Variants in WDFY3 observed in about 807,000 individuals in gnomAD.
WDFY3 encodes the protein WD repeat and FYVE domain containing 3, also known as WD repeat and FYVE domain-containing protein 3.
WDFY3 carries 66 observed loss-of-function variants against 409.6 expected under a neutral mutation model. The observed-to-expected ratio is 0.16, with a 90% CI of 0.13 to 0.20. The LOEUF (loss-of-function observed/expected upper bound fraction) is 0.20. Ranked by LOEUF, WDFY3 falls within the 10% of genes least tolerant of loss-of-function variation. WDFY3 has a pLI of 1.00. For synonymous variants in WDFY3, 1,521 were observed against 1,537.1 expected, an observed-to-expected ratio of 0.99 and a Z score of 0.25; for missense variants, 3,031 against 4,298.1, an observed-to-expected ratio of 0.71 and a Z score of 8.24.
At chr4:84,950,595 T>A (rs1773483925) in intron 1 of WDFY3, among the ~76,000 whole-genome samples, 2 of 151,998 alleles carry the variant, frequency 1.3e-5, no homozygotes, top group Admixed American at 1.3e-4. Flanking sequence ...ATCGAGACCA[T>A]CCTGATTAAC....
chr4:84,897,672 G>A (rs1765819227), intron 2 of WDFY3, among the ~76,000 whole-genome samples: 1 of 152,102 alleles, frequency 6.6e-6, no homozygotes, highest in Non-Finnish European at 1.5e-5. Flanking sequence ...TAAGATACTT[G>A]GGCAAAGGTG....
At chr4:84,801,115 TGTG>T (rs1441482563) in intron 17 of WDFY3, among the ~76,000 whole-genome samples, 3 of 152,208 alleles carry the variant, frequency 2.0e-5, no homozygotes, top group African/African-American at 7.2e-5. Flanking sequence ...ATCGTAATTG[TGTG>T]GTGATTACAT....
At chr4:84,938,726 G>T (rs1771743207) in intron 1 of WDFY3, among the ~76,000 whole-genome samples, 1 of 152,098 alleles carries the variant, frequency 6.6e-6, no homozygotes, top group Non-Finnish European at 1.5e-5. Context: ...CTCATACTCA[G>T]ATTCAGCCAT....
intron 3 of WDFY3, among the ~76,000 whole-genome samples, chr4:84,887,078 C>T (rs1032190951): frequency 2.0e-5 from 3 of 152,096 alleles, no homozygotes; most frequent in African/African-American, 7.2e-5. Context: ...GAACATGTGG[C>T]ATTTACACCA....
chr4:84,800,707 G>A (rs1750368607), intron 17 of WDFY3, among the ~76,000 whole-genome samples: 1 of 152,134 alleles, frequency 6.6e-6, no homozygotes, highest in Non-Finnish European at 1.5e-5. Context: ...GGATTGTGGA[G>A]GATGGTTTCA....
chr4:84,902,616 C>G (rs1460412145), intron 2 of WDFY3, among the ~76,000 whole-genome samples: 2 of 152,164 alleles, frequency 1.3e-5, no homozygotes, highest in Non-Finnish European at 2.9e-5. Context: ...AGAATTTTCA[C>G]CATGACAAAA....
In WDFY3 at chr4:84,709,033, A is replaced by G; in HGVS notation, c.8098-5T>C. 1 of 1,613,354 alleles carries G rather than the reference A, an allele frequency of 6.2e-7. No individual in the cohort carries two copies. Among genetic ancestry groups the G allele is most frequent in the East Asian group, 2.2e-5 (1 of 44,856 alleles). On this transcript the variant is annotated splice_polypyrimidine_tract_variant and splice_region_variant and intron_variant, in intron 52 of 67. Coordinates refer to ENST00000295888, the MANE Select transcript of WDFY3 (RefSeq NM_014991.6). The stretch of plus-strand genomic sequence containing the variant: ...GAAGTTGCTGATTTCACCTCTCTGG[A>G]AAAAGATAAATATTCATTTTTGAGC...
At chr4:84,762,451 TG>T (rs1742811373) in intron 32 of WDFY3, among the ~76,000 whole-genome samples, 1 of 116,530 alleles carries the variant, frequency 8.6e-6, no homozygotes, top group Non-Finnish European at 1.6e-5. Context: ...CATCACACTC[TG>T]GGGACTGTTC....
At chr4:84,906,293 A>G (rs1240307174) in intron 2 of WDFY3, among the ~76,000 whole-genome samples, 1 of 152,192 alleles carries the variant, frequency 6.6e-6, no homozygotes, top group Admixed American at 6.5e-5. Context: ...TTCATTTCTT[A>G]AAGACCTATG....
rs964365973 is a variant in WDFY3 at position 84,858,556 on chromosome 4, T to C, written c.180+1856A>G. On this transcript the variant is annotated intron_variant, in intron 4 of 67. Coordinates refer to ENST00000295888, the MANE Select transcript of WDFY3 (RefSeq NM_014991.6). The stretch of plus-strand genomic sequence containing the variant: ...TCCAGAAAAGGGGGAACATATAAGA[T>C]ATAGAGGAGAATATTCTCAAAGAAA... 2.6e-5 allele frequency among the ~76,000 whole-genome samples: 4 copies of C among 152,104 alleles called. No homozygotes were observed. In the East Asian group the frequency reaches 5.8e-4, roughly 22 times the overall value.
In WDFY3 at chr4:84,872,294, A is replaced by G. The variant is rs185494989; in HGVS notation, c.-31-11672T>C. On this transcript the variant is annotated intron_variant, in intron 3 of 67. Transcript: ENST00000295888. ...ATCCTGGCCAACATGGTGAAACCCC[A>G]TCTATACTAAAAATATAAAAATTAG... 1.9e-3 allele frequency among the ~76,000 whole-genome samples: 292 copies of G among 152,028 alleles called. 12 individuals carry two copies. The East Asian group carries it at 0.053, about 27-fold the overall frequency.
At chr4:84,825,729 C>A (rs1455734854) in intron 10 of WDFY3, among the ~76,000 whole-genome samples, 2 of 151,828 alleles carry the variant, frequency 1.3e-5, no homozygotes, top group Non-Finnish European at 2.9e-5. Flanking sequence ...ATATGTATTA[C>A]AAATTTAATA....
chr4:84,699,484 T>C (rs925078587), intron 56 of WDFY3, among the ~76,000 whole-genome samples: 8 of 152,342 alleles, frequency 5.3e-5, no homozygotes, highest in Admixed American at 2.0e-4. Context: ...GGGCTGTTTC[T>C]GCCATTCGGT....
chr4:84,693,426 T>A lies in WDFY3; in HGVS notation c.8902-394A>T, dbSNP rs575677321. On this transcript the variant is annotated intron_variant, in intron 58 of 67. Transcript: ENST00000295888. Reference sequence around the variant, plus strand: ...GCAGACACTCTATCTAGTTGGATTATTTCTGGTTTCAATGTGGCCTTTATG... The same window carrying A: ...GCAGACACTCTATCTAGTTGGATTAATTCTGGTTTCAATGTGGCCTTTATG... Among the ~76,000 whole-genome samples, 8 of 152,336 alleles carry A rather than the reference T, an allele frequency of 5.3e-5. No individual in the cohort carries two copies. In the East Asian group the frequency reaches 1.3e-3, roughly 26 times the overall value.
At chr4:84,697,077 T>C (rs545352625) in intron 56 of WDFY3, among the ~76,000 whole-genome samples, 5 of 152,300 alleles carry the variant, frequency 3.3e-5, no homozygotes, top group South Asian at 4.1e-4. Context: ...TGCTGAGTTA[T>C]ACCAAGCGAA....
At chr4:84,700,846 T>C (rs935465082) in intron 56 of WDFY3, among the ~76,000 whole-genome samples, 1 of 152,220 alleles carries the variant, frequency 6.6e-6, no homozygotes, top group Non-Finnish European at 1.5e-5. Context: ...CTCACGCCTG[T>C]AACCACTGAG....
intron 5 of WDFY3, among the ~76,000 whole-genome samples, chr4:84,843,851 A>G (rs1266243461): frequency 6.6e-6 from 1 of 152,226 alleles, no homozygotes; most frequent in East Asian, 1.9e-4. Context: ...TGGGTAAAAA[A>G]TGCCCACTAC....
At chr4:84,762,932 C>T (rs1742939350) in intron 32 of WDFY3, among the ~76,000 whole-genome samples, 1 of 151,808 alleles carries the variant, frequency 6.6e-6, no homozygotes, top group African/African-American at 2.4e-5. Flanking sequence ...GACCACATAA[C>T]AAGACCCAAT....
intron 67 of WDFY3, 61 bp from the exon 68 acceptor site, chr4:84,673,052 G>A (rs1725676907): frequency 6.2e-7 from 1 of 1,602,894 alleles, no homozygotes; most frequent in Admixed American, 1.7e-5. Flanking sequence ...ATGGGCACCG[G>A]AAACATTAAT....
Sources: allele counts gnomAD v4.1 joint callset (sites outside exome capture counted in the v4.1 genomes callset), GRCh38; gene constraint gnomAD v4.1.1; transcripts MANE v1.5; gene names NCBI Gene and HGNC (gene_info 2026-07-23, HGNC 2026-07-21).